Variants in AUH observed in about 807,000 individuals in gnomAD.
The protein encoded by AUH is AU RNA binding methylglutaconyl-CoA hydratase, also known as methylglutaconyl-CoA hydratase, mitochondrial.
A neutral mutation model predicts 42.3 loss-of-function variants in AUH; 29 were observed. The ratio of observed to expected loss-of-function variants is 0.69; its 90% CI spans 0.51 to 0.93. AUH has a LOEUF of 0.93. Among genes scored for constraint, AUH ranks in the 40% least tolerant of loss-of-function variants. AUH has a pLI of 0.00. For synonymous variants in AUH, 174 were observed against 166.4 expected (o/e 1.05, Z -0.35); for missense variants, 452 against 438.1 (o/e 1.03, Z -0.28).
intron 6 of AUH, among the ~76,000 whole-genome samples, chr9:91,261,745 G>A (rs1436340572): frequency 6.6e-6 from 1 of 152,188 alleles, no homozygotes; most frequent in Non-Finnish European, 1.5e-5. Flanking sequence ...ACTTCCCTTA[G>A]TAGATTATTT....
intron 6 of AUH, among the ~76,000 whole-genome samples, chr9:91,263,960 G>A (rs1173359529): frequency 1.3e-5 from 2 of 152,136 alleles, no homozygotes; most frequent in Non-Finnish European, 2.9e-5. Context: ...ATTTCTCACT[G>A]ATACTGGAGC....
chr9:91,232,117 G>A (rs1483521597), intron 6 of AUH, among the ~76,000 whole-genome samples: 1 of 152,160 alleles, frequency 6.6e-6, no homozygotes, highest in African/African-American at 2.4e-5. Context: ...CATGGTGGTG[G>A]CTCACACCTG....
chr9:91,229,655 G>T (rs1283505605), intron 6 of AUH, among the ~76,000 whole-genome samples: 16 of 152,082 alleles, frequency 1.1e-4, no homozygotes, highest in Non-Finnish European at 1.8e-4. Flanking sequence ...AGTCTCGATG[G>T]TCTTTACATT....
chr9:91,250,957 A>G (rs1476189128), intron 6 of AUH, among the ~76,000 whole-genome samples: 1 of 152,204 alleles, frequency 6.6e-6, no homozygotes, highest in African/African-American at 2.4e-5. Context: ...TATTTGATAA[A>G]GAGAAGAAAC....
intron 3 of AUH, chr9:91,342,799 C>G (rs1831204184): frequency 6.6e-6 from 1 of 152,196 alleles, no homozygotes; most frequent in South Asian, 2.1e-4. Context: ...TTAAGTGCAG[C>G]TGACCTTTGA....
intron 3 of AUH, among the ~76,000 whole-genome samples, chr9:91,345,832 CAAA>C (rs57372374): frequency 2.1e-5 from 2 of 94,036 alleles, no homozygotes; most frequent in Admixed American, 1.2e-4. Context: ...GACTCCATCG[CAAA>C]AAAAAAAAAA....
Position 91,244,956 on chromosome 9 carries a change from T to C in AUH, c.656-23964A>G, listed in dbSNP as rs553902512. ...TTCTTTAAACACTGAAAACAAAATA[T>C]GCATTGATTACAAATTTAAAATGTA... On this transcript the variant is annotated intron_variant, in intron 6 of 9. Transcript: ENST00000375731. Among the ~76,000 whole-genome samples, 96 of 152,368 alleles carry C rather than the reference T, an allele frequency of 6.3e-4. 1 individual carries two copies. In the Middle Eastern group the frequency reaches 0.014, roughly 22 times the overall value.
chr9:91,343,508 T>C (rs918728699), intron 3 of AUH, among the ~76,000 whole-genome samples: 3 of 152,216 alleles, frequency 2.0e-5, no homozygotes, highest in Non-Finnish European at 4.4e-5. Context: ...GGCTCACACC[T>C]ATAATCCCAA....
At chr9:91,262,720 G>A (rs754083253) in intron 6 of AUH, among the ~76,000 whole-genome samples, 3 of 152,080 alleles carry the variant, frequency 2.0e-5, no homozygotes, top group Non-Finnish European at 4.4e-5. Context: ...GGCGTGGGGT[G>A]GGGACAACAT....
chr9:91,353,925 G>C (rs1460406325), intron 3 of AUH, among the ~76,000 whole-genome samples: 1 of 151,602 alleles, frequency 6.6e-6, no homozygotes, highest in East Asian at 1.9e-4. Context: ...CCAGCCCTTT[G>C]GGATGCCGAG....
chr9:91,219,065 C>A, intron 7 of AUH: 1 of 981,654 alleles, frequency 1.0e-6, no homozygotes, highest in Non-Finnish European at 1.2e-6. Flanking sequence ...GGTAACCACA[C>A]AATGGGATGC....
intron 6 of AUH, among the ~76,000 whole-genome samples, chr9:91,274,014 A>G (rs1268003040): frequency 6.6e-6 from 1 of 152,250 alleles, no homozygotes; most frequent in Non-Finnish European, 1.5e-5. Flanking sequence ...CGGGCACACA[A>G]GAGAAGGTCT....
At chr9:91,338,477 C>A (rs891556246) in intron 3 of AUH, among the ~76,000 whole-genome samples, 1 of 152,192 alleles carries the variant, frequency 6.6e-6, no homozygotes, top group Non-Finnish European at 1.5e-5. Flanking sequence ...TTGGCCTAGG[C>A]TGGAGCGCAA....
intron 4 of AUH, among the ~76,000 whole-genome samples, chr9:91,310,911 T>C (rs1828654673): frequency 6.6e-6 from 1 of 152,250 alleles, no homozygotes; most frequent in Non-Finnish European, 1.5e-5. Flanking sequence ...GCATCTATTA[T>C]ACTGTAGTGG....
At chr9:91,231,293 G>A (rs1384796265) in intron 6 of AUH, among the ~76,000 whole-genome samples, 3 of 152,190 alleles carry the variant, frequency 2.0e-5, no homozygotes, top group Non-Finnish European at 2.9e-5. Flanking sequence ...CAGTATTCGG[G>A]TCGGGTGGGA....
chr9:91,271,737 A>G (rs1587737180), intron 6 of AUH, among the ~76,000 whole-genome samples: 1 of 152,122 alleles, frequency 6.6e-6, no homozygotes. Flanking sequence ...CTGGAGTGCA[A>G]TGGCGCAATC....
At chr9:91,288,955 C>T (rs933048281) in intron 6 of AUH, among the ~76,000 whole-genome samples, 3 of 152,000 alleles carry the variant, frequency 2.0e-5, no homozygotes, top group African/African-American at 7.2e-5. Context: ...CATATTGCTA[C>T]GCAGGTCAAA....
chr9:91,217,661 C>T (rs1826901574), intron 7 of AUH, among the ~76,000 whole-genome samples: 1 of 152,172 alleles, frequency 6.6e-6, no homozygotes, highest in Non-Finnish European at 1.5e-5. Flanking sequence ...AGGAGGTAGT[C>T]TTTGCCTCAG....
At chr9:91,342,466 C>T (rs566215493) in intron 3 of AUH, among the ~76,000 whole-genome samples, 1 of 152,318 alleles carries the variant, frequency 6.6e-6, no homozygotes, top group Non-Finnish European at 1.5e-5. Context: ...TTCTGCCTCC[C>T]ACACACTTTA....
Sources: gnomAD v4.1 joint callset for allele counts (sites outside exome capture counted in the v4.1 genomes callset) on GRCh38, gnomAD v4.1.1 for gene constraint, MANE v1.5 for transcripts, NCBI Gene and HGNC (gene_info 2026-07-23, HGNC 2026-07-21) for gene names.